Variants in PRSS12 observed in about 807,000 individuals in gnomAD.
The protein encoded by PRSS12 is serine protease 12.
A neutral mutation model predicts 104.4 loss-of-function variants in PRSS12; 85 were observed. The observed-to-expected ratio is 0.81, with a 90% CI of 0.68 to 0.98. The LOEUF (loss-of-function observed/expected upper bound fraction) is 0.98, where lower values mean the gene tolerates loss of function less well. PRSS12 is among the 50% of genes least tolerant of loss of function. PRSS12 has a pLI of 0.00. For synonymous variants in PRSS12, 454 were observed against 425.2 expected (o/e 1.07, Z -0.83); for missense variants, 1,141 against 1,139.2 (o/e 1.00, Z -0.02).
At chr4:118,322,464 C>CA (rs1181852468) in intron 4 of PRSS12, among the ~76,000 whole-genome samples, 1 of 151,624 alleles carries the variant, frequency 6.6e-6, no homozygotes, top group East Asian at 1.9e-4. Flanking sequence ...GAGAATCACT[C>CA]AAACCTTGGA....
intron 1 of PRSS12, among the ~76,000 whole-genome samples, chr4:118,343,997 C>G (rs918819804): frequency 6.6e-6 from 1 of 152,052 alleles, no homozygotes; most frequent in African/African-American, 2.4e-5. Context: ...TATTATTGAA[C>G]TTTACAGATG....
chr4:118,322,097 G>A (rs757469293), intron 4 of PRSS12, among the ~76,000 whole-genome samples: 13 of 151,972 alleles, frequency 8.6e-5, no homozygotes, highest in South Asian at 2.1e-4. Flanking sequence ...AAAATAAAAC[G>A]TTTTGTGCAA....
intron 11 of PRSS12, among the ~76,000 whole-genome samples, chr4:118,293,372 C>A (rs1233066615): frequency 1.3e-5 from 2 of 151,946 alleles, no homozygotes; most frequent in Non-Finnish European, 2.9e-5. Flanking sequence ...AATATCTTCA[C>A]CAAATGGGGC....
chr4:118,352,219 C>T lies in PRSS12; in HGVS notation c.502G>A (p.Gly168Arg), dbSNP rs375198447. ...CCGCGGCCGCCCCGAGGCCACTAAC[C>T]GTGTCTGCAGTCGCAGTAGCCCCAG... is the stretch of plus-strand genomic sequence containing the variant. ...VDWGYCDCRH[G>R]SVRLRGGKNE... is the part of the protein sequence containing the mutation. Residue 168 changes from glycine to arginine, a missense_variant and splice_region_variant, in exon 1 of 13, where the codon GGA (glycine) becomes AGA (arginine). Physicochemically the swap from Gly to Arg is moderately radical, Grantham distance 125. Transcript: ENST00000296498. 1.2e-6 allele frequency: 2 copies of T among 1,611,724 alleles called. No individual in the cohort carries two copies. Among genetic ancestry groups the T allele is most frequent in the Admixed American group, 1.7e-5 (1 of 59,906 alleles).
chr4:118,299,746 T>TAAAATA (rs372943908), intron 8 of PRSS12, among the ~76,000 whole-genome samples: 3,246 of 81,940 alleles, frequency 0.04, 190 homozygotes, highest in Non-Finnish European at 0.048. Flanking sequence ...TAAAATAAAA[T>TAAAATA]AAATAAAATA....
chr4:118,311,008 G>A (rs930298856), intron 7 of PRSS12, among the ~76,000 whole-genome samples: 13 of 151,916 alleles, frequency 8.6e-5, no homozygotes, highest in Non-Finnish European at 7.4e-5. Context: ...CCGAGATTGC[G>A]CCACTGCACT....
intron 4 of PRSS12, among the ~76,000 whole-genome samples, chr4:118,323,080 A>C (rs1279129119): frequency 2.6e-5 from 4 of 152,018 alleles, no homozygotes; most frequent in African/African-American, 7.2e-5. Context: ...GGTAGTTGCA[A>C]AGTCTATTTA....
chr4:118,336,347 T>G (rs1724064880), intron 2 of PRSS12, among the ~76,000 whole-genome samples: 1 of 151,968 alleles, frequency 6.6e-6, no homozygotes, highest in Non-Finnish European at 1.5e-5. Flanking sequence ...GCTCATCTAA[T>G]CCACATATTT....
chr4:118,313,443 G>T (rs1743813086), intron 6 of PRSS12, 46 bp from the exon 7 acceptor site: 1 of 1,594,548 alleles, frequency 6.3e-7, no homozygotes, highest in African/African-American at 1.3e-5. Context: ...CTGTCTCTTG[G>T]TTCAGGGAAC....
intron 4 of PRSS12, among the ~76,000 whole-genome samples, chr4:118,321,635 G>A (rs1004277652): frequency 5.9e-5 from 9 of 152,080 alleles, no homozygotes; most frequent in Admixed American, 5.2e-4. Flanking sequence ...GAATCCCCAC[G>A]TACCCCTGAC....
chr4:118,340,133 T>A (rs1724164180), intron 1 of PRSS12, among the ~76,000 whole-genome samples: 1 of 151,998 alleles, frequency 6.6e-6, no homozygotes, highest in African/African-American at 2.4e-5. Flanking sequence ...AAGGAGAAAA[T>A]CCTGAGTAAA....
chr4:118,338,366 C>T lies in PRSS12; in HGVS notation c.503-52G>A. Reference sequence around the variant, plus strand: ...CTTTAATAGTAAATAATCATTTGAACATATTGAGCCAGTCCTGGGTTAACA... The same window carrying T: ...CTTTAATAGTAAATAATCATTTGAATATATTGAGCCAGTCCTGGGTTAACA... On this transcript the variant is annotated intron_variant, in intron 1 of 12. Coordinates refer to ENST00000296498, the MANE Select transcript of PRSS12 (RefSeq NM_003619.4). 5 of 1,603,784 alleles carry T rather than the reference C, an allele frequency of 3.1e-6. No homozygotes were observed. In the South Asian group the frequency reaches 5.5e-5, roughly 18 times the overall value.
intron 1 of PRSS12, among the ~76,000 whole-genome samples, chr4:118,342,458 A>C (rs1203651249): frequency 6.6e-6 from 1 of 152,180 alleles, no homozygotes; most frequent in Non-Finnish European, 1.5e-5. Context: ...CCAGCGTTGC[A>C]CTGTCTTAAA....
intron 4 of PRSS12, 85 bp from the exon 5 acceptor site, chr4:118,318,641 T>A: frequency 7.6e-7 from 1 of 1,316,212 alleles, no homozygotes; most frequent in Non-Finnish European, 1.1e-6. Context: ...GTAAAAGCAT[T>A]ATTATTAATC....
At chr4:118,317,063 G>GA (rs5861385) in intron 5 of PRSS12, among the ~76,000 whole-genome samples, 7 of 151,020 alleles carry the variant, frequency 4.6e-5, no homozygotes, top group African/African-American at 1.7e-4. Flanking sequence ...AACTGCAAAT[G>GA]AAAAAAATAC....
chr4:118,350,604 TG>T (rs1423534652), intron 1 of PRSS12, among the ~76,000 whole-genome samples: 9 of 152,220 alleles, frequency 5.9e-5, no homozygotes, highest in African/African-American at 2.2e-4. Flanking sequence ...ATGCAGTATT[TG>T]GGATTTTGTC....
At chr4:118,309,667 G>C (rs1197678020) in intron 7 of PRSS12, among the ~76,000 whole-genome samples, 2 of 152,176 alleles carry the variant, frequency 1.3e-5, no homozygotes, top group Non-Finnish European at 2.9e-5. Flanking sequence ...GTTACTAGAA[G>C]GGTCTCCAGC....
intron 6 of PRSS12, among the ~76,000 whole-genome samples, chr4:118,313,867 T>C (rs1316955557): frequency 6.6e-6 from 1 of 152,206 alleles, no homozygotes; most frequent in East Asian, 1.9e-4. Flanking sequence ...ACCTAATCCA[T>C]GATTAAATTT....
At chr4:118,308,687 A>C in intron 7 of PRSS12, 110 bp from the exon 8 acceptor site, 1 of 1,431,958 alleles carries the variant, frequency 7.0e-7, no homozygotes. Context: ...ATAAAATCAG[A>C]TGGGAAATAC....
Sources: gnomAD v4.1 joint callset for allele counts (sites outside exome capture counted in the v4.1 genomes callset) on GRCh38, gnomAD v4.1.1 for gene constraint, MANE v1.5 for transcripts, NCBI Gene and HGNC (gene_info 2026-07-23, HGNC 2026-07-21) for gene names.